SSX2IP: variants seen among roughly 807,000 people sequenced by gnomAD.
SSX2IP encodes the protein afadin- and alpha-actinin-binding protein.
SSX2IP carries 55 observed loss-of-function variants against 84.9 expected under a neutral mutation model. The ratio of observed to expected loss-of-function variants is 0.65; its 90% CI spans 0.52 to 0.81. SSX2IP has a LOEUF of 0.81. SSX2IP is among the 30% of genes least tolerant of loss of function. The probability of loss-of-function intolerance (pLI) is 0.00; values close to 1 mark genes in which losing one functional copy is unlikely to be tolerated. For synonymous variants in SSX2IP, 239 were observed against 234.7 expected (o/e 1.02, Z -0.17); for missense variants, 664 against 705.2 (o/e 0.94, Z 0.66).
At chr1:84,661,412 G>GT (rs761623853) in intron 8 of SSX2IP, among the ~76,000 whole-genome samples, 8,562 of 144,584 alleles carry the variant, frequency 0.059, 284 homozygotes, top group African/African-American at 0.072. Flanking sequence ...CTTTCTCCAT[G>GT]TTTTTTTTTT....
At chr1:84,670,375 G>C in intron 3 of SSX2IP, 1 of 227,784 alleles carries the variant, frequency 4.4e-6, no homozygotes, top group East Asian at 9.4e-5. Flanking sequence ...GTGACATGGA[G>C]CAAGGCACTT....
intron 5 of SSX2IP, 51 bp from the exon 6 acceptor site, chr1:84,664,603 A>G (rs769734643): frequency 4.8e-6 from 7 of 1,459,076 alleles, no homozygotes; most frequent in Non-Finnish European, 6.3e-6. Context: ...ACAAATTTGA[A>G]AGAGAAAAAT....
chr1:84,679,906 G>A (rs1487805777), intron 1 of SSX2IP, among the ~76,000 whole-genome samples: 1 of 152,148 alleles, frequency 6.6e-6, no homozygotes, highest in Admixed American at 6.5e-5. Flanking sequence ...GCAGAGGCAG[G>A]ATTCCAACCC....
chr1:84,677,485 C>G (rs541321726), intron 1 of SSX2IP, among the ~76,000 whole-genome samples: 69 of 152,258 alleles, frequency 4.5e-4, no homozygotes, highest in South Asian at 8.3e-4. Flanking sequence ...TAAGCAGTCT[C>G]TAGGATGGCT....
intron 1 of SSX2IP, among the ~76,000 whole-genome samples, chr1:84,688,666 G>C (rs1419018815): frequency 1.3e-5 from 2 of 152,196 alleles, no homozygotes; most frequent in Non-Finnish European, 1.5e-5. Context: ...CAATTTCAGC[G>C]TAACATTTTA....
intron 5 of SSX2IP, among the ~76,000 whole-genome samples, chr1:84,665,563 A>T (rs1459023587): frequency 2.6e-5 from 4 of 152,202 alleles, no homozygotes; most frequent in African/African-American, 9.6e-5. Flanking sequence ...TTTGAAATGC[A>T]TTAGTGCTAT....
chr1:84,687,258 G>A (rs1208931914), intron 1 of SSX2IP, among the ~76,000 whole-genome samples: 1 of 152,210 alleles, frequency 6.6e-6, no homozygotes, highest in Non-Finnish European at 1.5e-5. Flanking sequence ...TATGTGTGAA[G>A]CAAGAGTTAA....
At chr1:84,653,723 T>G (rs1650666914) in intron 11 of SSX2IP, among the ~76,000 whole-genome samples, 1 of 152,188 alleles carries the variant, frequency 6.6e-6, no homozygotes. Flanking sequence ...ACACAGTCTT[T>G]CATTCATAAA....
chr1:84,677,243 T>A (rs1161791284), intron 1 of SSX2IP, among the ~76,000 whole-genome samples: 1 of 152,200 alleles, frequency 6.6e-6, no homozygotes, highest in Non-Finnish European at 1.5e-5. Context: ...GTAAAATTGG[T>A]CTCTGCTTGG....
In SSX2IP at chr1:84,670,611, G is replaced by A. The variant is rs770611266; in HGVS notation, c.213+35C>T. On this transcript the variant is annotated intron_variant, in intron 3 of 13. Transcript: ENST00000342203. ...TTTGATACATTCTATTATATAACAT[G>A]ATTTATGCTACTGTTTTTTACAAAA... The A allele has an allele frequency of 3.5e-6, 5 of 1,434,082 alleles. No individual in the cohort carries two copies. The African/African-American group carries it at 5.7e-5, about 16-fold the overall frequency. 88.8% of individuals were successfully genotyped at this position (1,434,082 alleles called of 1,614,324 possible). A position where few individuals can be genotyped will look rare whatever the true frequency, so the allele number is the denominator to read the frequency against.
intron 1 of SSX2IP, among the ~76,000 whole-genome samples, chr1:84,673,814 G>A (rs959598727): frequency 6.6e-6 from 1 of 152,146 alleles, no homozygotes; most frequent in South Asian, 2.1e-4. Context: ...TACTAAGACA[G>A]ATGATGTTAC....
Position 84,647,565 on chromosome 1 carries a change from T to C in SSX2IP, c.1713A>G (p.Pro571=). The change falls in exon 14 of 14, where the codon CCA becomes CCG. Residue 571 remains proline, a synonymous_variant. Transcript: ENST00000342203. ...VLNITAEEIK[P]NQVGGECTNQ... is the part of the protein sequence containing the mutation. ...TTGTACATTCTCCTCCAACCTGATT[T>C]GGTTTAATTTCTTCAGCAGTTATAT... The C allele has an allele frequency of 6.2e-7, 1 of 1,612,388 alleles. No homozygotes were observed. The highest frequency in any genetic ancestry group is 8.5e-7 in the Non-Finnish European group (1 of 1,179,192).
At chr1:84,679,753 T>C (rs1654826850) in intron 1 of SSX2IP, among the ~76,000 whole-genome samples, 2 of 152,240 alleles carry the variant, frequency 1.3e-5, no homozygotes, top group Admixed American at 6.5e-5. Flanking sequence ...TAATAACACA[T>C]GTGCCAGGAG....
intron 9 of SSX2IP, 38 bp downstream of exon 9, chr1:84,658,280 G>A (rs1651420776): frequency 1.2e-6 from 2 of 1,610,178 alleles, no homozygotes; most frequent in Non-Finnish European, 1.7e-6. Flanking sequence ...CTTACCAAAT[G>A]TCACAACTCA....
intron 1 of SSX2IP, among the ~76,000 whole-genome samples, chr1:84,672,435 T>A (rs1374477134): frequency 6.6e-6 from 1 of 151,922 alleles, no homozygotes; most frequent in Non-Finnish European, 1.5e-5. Context: ...CTCTATGTAT[T>A]AAGTTATCCT....
intron 13 of SSX2IP, among the ~76,000 whole-genome samples, chr1:84,648,873 T>C (rs1316925237): frequency 1.3e-5 from 2 of 152,200 alleles, no homozygotes; most frequent in Non-Finnish European, 2.9e-5. Flanking sequence ...AATCCAAGCA[T>C]TTCTTCCTTC....
chr1:84,677,662 T>G (rs1034883024), intron 1 of SSX2IP, among the ~76,000 whole-genome samples: 4 of 152,174 alleles, frequency 2.6e-5, no homozygotes, highest in African/African-American at 9.7e-5. Context: ...TTAAGGTTGT[T>G]TTTTTACTTG....
intron 6 of SSX2IP, 94 bp from the exon 7 acceptor site, chr1:84,662,624 A>C: frequency 1.5e-6 from 2 of 1,309,144 alleles, no homozygotes; most frequent in Non-Finnish European, 2.1e-6. Flanking sequence ...GTGAAAGTGA[A>C]CCTGGTATAT....
intron 1 of SSX2IP, among the ~76,000 whole-genome samples, chr1:84,677,775 G>A (rs1025195035): frequency 2.6e-5 from 4 of 152,094 alleles, no homozygotes; most frequent in Non-Finnish European, 5.9e-5. Flanking sequence ...AGGTCAGCAG[G>A]ATCTGAGGCC....
Sources: gnomAD v4.1 joint callset for allele counts (sites outside exome capture counted in the v4.1 genomes callset) on GRCh38, gnomAD v4.1.1 for gene constraint, MANE v1.5 for transcripts, NCBI Gene and HGNC (gene_info 2026-07-23, HGNC 2026-07-21) for gene names.